Variants in EYS observed in about 807,000 individuals in gnomAD.
The protein encoded by EYS is protein eyes shut homolog.
EYS carries 250 observed loss-of-function variants against 282.1 expected under a neutral mutation model. The ratio of observed to expected loss-of-function variants is 0.89; its 90% CI spans 0.80 to 0.98. EYS has a LOEUF of 0.98. Ranked by LOEUF, EYS falls within the 50% of genes least tolerant of loss-of-function variation. The pLI, the probability that EYS is intolerant of heterozygous loss-of-function variation, is 0.00. For synonymous variants in EYS, 1,355 were observed against 1,282.9 expected (o/e 1.06, Z -1.20); for missense variants, 4,016 against 3,709.0 (o/e 1.08, Z -2.15).
intron 19 of EYS, among the ~76,000 whole-genome samples, chr6:64,856,813 G>GGA (rs1766078066): frequency 2.6e-5 from 4 of 151,732 alleles, no homozygotes; most frequent in African/African-American, 9.7e-5. Context: ...TCAAGCTCTA[G>GGA]TTGCTATATT....
At chr6:63,842,420 G>A (rs1047375565) in intron 36 of EYS, among the ~76,000 whole-genome samples, 3 of 152,148 alleles carry the variant, frequency 2.0e-5, no homozygotes, top group Admixed American at 2.0e-4. Flanking sequence ...TTTGAAAAGT[G>A]TCTGTTCATA....
intron 30 of EYS, among the ~76,000 whole-genome samples, chr6:64,290,259 C>T (rs1437361688): frequency 2.0e-5 from 3 of 152,132 alleles, no homozygotes; most frequent in South Asian, 2.1e-4. Context: ...TATGTGTTCT[C>T]CCCCCAATAT....
chr6:64,606,240 C>A (rs1207879879), intron 24 of EYS, among the ~76,000 whole-genome samples: 1 of 151,864 alleles, frequency 6.6e-6, no homozygotes, highest in Non-Finnish European at 1.5e-5. Flanking sequence ...CACATCTTTC[C>A]ATTCACACTC....
At chr6:65,565,742 T>C (rs999809992) in intron 2 of EYS, among the ~76,000 whole-genome samples, 2 of 152,014 alleles carry the variant, frequency 1.3e-5, no homozygotes, top group Admixed American at 6.5e-5. Flanking sequence ...ATGCGGCACA[T>C]ATACAACATG....
chr6:64,163,654 T>C (rs991527897), intron 31 of EYS, among the ~76,000 whole-genome samples: 20 of 152,126 alleles, frequency 1.3e-4, no homozygotes, highest in Admixed American at 1.2e-3. Context: ...TACTTAACAA[T>C]TGTATAACAA....
chr6:64,704,523 A>T (rs570284220), intron 22 of EYS, among the ~76,000 whole-genome samples: 1 of 84,218 alleles, frequency 1.2e-5, no homozygotes, highest in South Asian at 6.4e-4. Flanking sequence ...TTATAATTAT[A>T]ATACTTATAA....
intron 12 of EYS, among the ~76,000 whole-genome samples, chr6:65,124,832 C>T (rs1057272844): frequency 5.3e-5 from 8 of 152,198 alleles, no homozygotes; most frequent in African/African-American, 1.9e-4. Context: ...CCCCATTACA[C>T]ACCTCTTTTG....
At chr6:65,686,376 T>C (rs749263925) in intron 1 of EYS, among the ~76,000 whole-genome samples, 4 of 152,098 alleles carry the variant, frequency 2.6e-5, no homozygotes, top group Non-Finnish European at 5.9e-5. Context: ...AAGCCATTTA[T>C]TACAATGCCA....
intron 12 of EYS, among the ~76,000 whole-genome samples, chr6:65,259,523 TTAGA>T (rs1423370009): frequency 6.6e-6 from 1 of 152,114 alleles, no homozygotes; most frequent in Admixed American, 6.6e-5. Context: ...GAATGCAAAT[TTAGA>T]TAGTAAAATT....
Position 63,720,591 on chromosome 6 carries a change from T to C in EYS, c.*5A>G. The C allele has an allele frequency of 1.4e-6, 2 of 1,458,598 alleles. No homozygotes were observed. Among genetic ancestry groups the C allele is most frequent in the South Asian group, 1.5e-5 (1 of 68,396 alleles). 90.4% of individuals were successfully genotyped at this position (1,458,598 alleles called of 1,614,324 possible). A position where few individuals can be genotyped will look rare whatever the true frequency, so the allele number is the denominator to read the frequency against. On this transcript the variant is annotated 3_prime_UTR_variant, in exon 43 of 43. Coordinates refer to ENST00000503581, the MANE Select transcript of EYS (RefSeq NM_001142800.2). ...ATAGTGTGTACTAAAATCTCTAGTG[T>C]TAACTTATGTAACCTCATTTTGTTC... is the stretch of plus-strand genomic sequence containing the variant.
intron 12 of EYS, among the ~76,000 whole-genome samples, chr6:65,153,722 T>C (rs887512913): frequency 9.2e-5 from 14 of 151,768 alleles, no homozygotes; most frequent in African/African-American, 2.7e-4. Flanking sequence ...TAAAATCTAA[T>C]AAACAGATTG....
chr6:65,663,673 CTTTA>C (rs560542517), intron 1 of EYS, among the ~76,000 whole-genome samples: 6 of 151,552 alleles, frequency 4.0e-5, no homozygotes, highest in Non-Finnish European at 8.8e-5. Context: ...TAGATAAAAT[CTTTA>C]TTTATTTATT....
chr6:64,857,246 T>C (rs1244947455), intron 19 of EYS, among the ~76,000 whole-genome samples: 6 of 152,222 alleles, frequency 3.9e-5, no homozygotes, highest in African/African-American at 1.4e-4. Context: ...CTATAGGTAC[T>C]GTTTTCACTG....
At chr6:64,510,704 A>G (rs569592082) in intron 26 of EYS, among the ~76,000 whole-genome samples, 1 of 152,342 alleles carries the variant, frequency 6.6e-6, no homozygotes, top group African/African-American at 2.4e-5. Context: ...AATATTGGTC[A>G]ACTACTTGGT....
At chr6:65,284,441 A>G (rs2150277981) in intron 12 of EYS, among the ~76,000 whole-genome samples, 1 of 152,216 alleles carries the variant, frequency 6.6e-6, no homozygotes, top group Non-Finnish European at 1.5e-5. Context: ...TATCATTTTA[A>G]AAACTATTTT....
At chr6:64,167,764 AT>A (rs145716123) in intron 31 of EYS, among the ~76,000 whole-genome samples, 4,601 of 152,290 alleles carry the variant, frequency 0.03, 228 homozygotes, top group African/African-American at 0.1. Flanking sequence ...CAAATTTTAC[AT>A]TAATAATTTG....
chr6:65,374,517 G>C (rs928713986), intron 8 of EYS, among the ~76,000 whole-genome samples: 1 of 84,440 alleles, frequency 1.2e-5, no homozygotes. Flanking sequence ...TTTTTTTTTC[G>C]TACCCCACTG....
intron 26 of EYS, among the ~76,000 whole-genome samples, chr6:64,455,567 T>C (rs1160718938): frequency 6.6e-6 from 1 of 152,052 alleles, no homozygotes; most frequent in African/African-American, 2.4e-5. Context: ...AAGCCCTGCA[T>C]GCATTAGGTA....
At chr6:64,114,730 T>G (rs909782673) in intron 31 of EYS, among the ~76,000 whole-genome samples, 8 of 152,162 alleles carry the variant, frequency 5.3e-5, no homozygotes, top group African/African-American at 1.9e-4. Flanking sequence ...TTTCCATAGA[T>G]TTCACAGCAA....
Sources: allele counts gnomAD v4.1 joint callset (sites outside exome capture counted in the v4.1 genomes callset), GRCh38; gene constraint gnomAD v4.1.1; transcripts MANE v1.5; gene names NCBI Gene and HGNC (gene_info 2026-07-23, HGNC 2026-07-21).